PHF14: variants seen among roughly 807,000 people sequenced by gnomAD.
The protein encoded by PHF14 is PHD finger protein 14.
In PHF14, 55 loss-of-function variants were observed where a neutral mutation model predicts 117.9. That is an observed-to-expected ratio of 0.47 (90% confidence interval 0.38 to 0.58). PHF14 has a LOEUF of 0.58. Among genes scored for constraint, PHF14 ranks in the 20% least tolerant of loss-of-function variants. The probability of loss-of-function intolerance (pLI) is 0.00; values close to 1 mark genes in which losing one functional copy is unlikely to be tolerated. For missense variants in PHF14, 978 were observed against 1,122.2 expected (o/e 0.87, Z 1.84); for synonymous variants, 409 against 368.6 (o/e 1.11, Z -1.26).
intron 17 of PHF14, among the ~76,000 whole-genome samples, chr7:11,154,497 A>G (rs1030310403): frequency 3.3e-5 from 5 of 152,168 alleles, no homozygotes; most frequent in African/African-American, 1.2e-4. Flanking sequence ...TTAATAAACT[A>G]TATTTGTCTA....
At chr7:11,086,283 C>T (rs1786406623) in intron 16 of PHF14, among the ~76,000 whole-genome samples, 1 of 152,186 alleles carries the variant, frequency 6.6e-6, no homozygotes, top group African/African-American at 2.4e-5. Flanking sequence ...TAAGGCCCTC[C>T]AAACCCAGCC....
chr7:11,116,896 A>G (rs1459483962), intron 17 of PHF14, among the ~76,000 whole-genome samples: 1 of 151,932 alleles, frequency 6.6e-6, no homozygotes, highest in Non-Finnish European at 1.5e-5. Context: ...CAACAAATTG[A>G]CATTTTAATA....
intron 16 of PHF14, among the ~76,000 whole-genome samples, chr7:11,077,299 G>GA (rs112993406): frequency 5.4e-4 from 77 of 143,170 alleles, no homozygotes; most frequent in African/African-American, 1.4e-3. Flanking sequence ...GTAGTGCAAA[G>GA]AAAAAAAAAA....
intron 13 of PHF14, among the ~76,000 whole-genome samples, chr7:11,046,273 G>A (rs527738705): frequency 2.5e-3 from 378 of 152,252 alleles, no homozygotes; most frequent in African/African-American, 8.8e-3. Context: ...ATTTATTAGA[G>A]TAGTTCAAAT....
At chr7:11,027,114 C>T (rs7789137) in intron 6 of PHF14, among the ~76,000 whole-genome samples, 16,325 of 152,144 alleles carry the variant, frequency 0.11, 1,068 homozygotes, top group African/African-American at 0.19. Flanking sequence ...CTTATATTCA[C>T]TCTGAAATCC....
chr7:11,048,454 C>T (rs945129499), intron 13 of PHF14, among the ~76,000 whole-genome samples: 1 of 152,058 alleles, frequency 6.6e-6, no homozygotes, highest in Non-Finnish European at 1.5e-5. Flanking sequence ...CACCTGTAAT[C>T]CCAGCTACTC....
intron 16 of PHF14, chr7:11,062,740 A>C: frequency 1.0e-6 from 1 of 985,268 alleles, no homozygotes; most frequent in Non-Finnish European, 1.2e-6. Flanking sequence ...GAGGCTGCTA[A>C]TTTTAGCGGA....
intron 16 of PHF14, among the ~76,000 whole-genome samples, chr7:11,086,353 G>C (rs921026287): frequency 2.2e-4 from 34 of 152,072 alleles, no homozygotes; most frequent in African/African-American, 8.2e-4. Flanking sequence ...CCTAAATTTA[G>C]ATCATCGCAG....
intron 17 of PHF14, among the ~76,000 whole-genome samples, chr7:11,156,481 C>T (rs1387934901): frequency 6.6e-6 from 1 of 152,138 alleles, no homozygotes. Context: ...AATCTTTTCA[C>T]TTGGTAGTAA....
chr7:11,003,266 G>A (rs1197908146), intron 4 of PHF14, among the ~76,000 whole-genome samples: 1 of 152,082 alleles, frequency 6.6e-6, no homozygotes, highest in Non-Finnish European at 1.5e-5. Flanking sequence ...TAAAGTTCAC[G>A]CTAATAGCAG....
intron 4 of PHF14, among the ~76,000 whole-genome samples, chr7:10,994,911 A>G (rs1782581299): frequency 6.6e-6 from 1 of 152,138 alleles, no homozygotes; most frequent in Non-Finnish European, 1.5e-5. Flanking sequence ...AGGGGACCCG[A>G]GCGGGTTGCC....
At chr7:10,988,404 C>T (rs1485495998) in intron 3 of PHF14, among the ~76,000 whole-genome samples, 1 of 152,052 alleles carries the variant, frequency 6.6e-6, no homozygotes. Flanking sequence ...ACTTGTTTCC[C>T]ATATGGGTAA....
chr7:11,133,940 T>A (rs1229852765), intron 17 of PHF14, among the ~76,000 whole-genome samples: 2 of 152,024 alleles, frequency 1.3e-5, no homozygotes, highest in African/African-American at 4.8e-5. Flanking sequence ...CTGGACCAGG[T>A]GACCCAAGTG....
At chr7:11,071,864 A>T (rs1204041027) in intron 16 of PHF14, among the ~76,000 whole-genome samples, 1 of 152,236 alleles carries the variant, frequency 6.6e-6, no homozygotes, top group East Asian at 1.9e-4. Flanking sequence ...ACACCATTTT[A>T]TTCATTCTTC....
chr7:11,000,068 A>G (rs1270286601), intron 4 of PHF14, among the ~76,000 whole-genome samples: 4 of 152,188 alleles, frequency 2.6e-5, no homozygotes, highest in Non-Finnish European at 5.9e-5. Flanking sequence ...CTTTAGGTGA[A>G]TCTTTATTTT....
At chr7:11,080,188 A>G (rs1786037392) in intron 16 of PHF14, among the ~76,000 whole-genome samples, 1 of 152,160 alleles carries the variant, frequency 6.6e-6, no homozygotes, top group South Asian at 2.1e-4. Context: ...AGAATTTTGT[A>G]GCATTAGATT....
At chr7:11,107,165 C>T (rs1787298528) in intron 16 of PHF14, 5 of 984,498 alleles carry the variant, frequency 5.1e-6, no homozygotes, top group South Asian at 9.4e-5. Flanking sequence ...CTTAGGCATT[C>T]GATGAAATAA....
intron 17 of PHF14, among the ~76,000 whole-genome samples, chr7:11,125,877 G>C (rs1257611990): frequency 6.6e-6 from 1 of 151,872 alleles, no homozygotes; most frequent in Non-Finnish European, 1.5e-5. Context: ...TTTTGTTAAG[G>C]GTACCTTCAA....
intron 13 of PHF14, among the ~76,000 whole-genome samples, chr7:11,051,099 G>A (rs1363730975): frequency 2.6e-5 from 4 of 152,098 alleles, no homozygotes; most frequent in Non-Finnish European, 5.9e-5. Flanking sequence ...GGAGTGCAGT[G>A]TTGAGATCAT....
Sources: allele counts gnomAD v4.1 joint callset (sites outside exome capture counted in the v4.1 genomes callset), GRCh38; gene constraint gnomAD v4.1.1; transcripts MANE v1.5; gene names NCBI Gene and HGNC (gene_info 2026-07-23, HGNC 2026-07-21).